The following RGS17 variants were observed in gnomAD, a reference collection of about 807,000 sequenced individuals.
The protein encoded by RGS17 is regulator of G protein signaling 17.
Under a neutral mutation model 25.5 loss-of-function variants are expected in RGS17, and 12 were observed. The observed-to-expected ratio is 0.47, with a 90% CI of 0.30 to 0.76. The LOEUF is 0.76. Ranked by LOEUF, RGS17 falls within the 30% of genes least tolerant of loss-of-function variation. The pLI is 0.07. For missense variants in RGS17, 196 were observed against 242.2 expected, an observed-to-expected ratio of 0.81 and a Z score of 1.27; for synonymous variants, 71 against 76.9, an observed-to-expected ratio of 0.92 and a Z score of 0.40.
intron 1 of RGS17, among the ~76,000 whole-genome samples, chr6:153,076,120 C>T (rs1304187088): frequency 6.6e-6 from 1 of 152,020 alleles, no homozygotes; most frequent in East Asian, 1.9e-4. Context: ...GTTAATATAA[C>T]TATACATGGA....
chr6:153,120,148 T>G (rs534581798), intron 1 of RGS17, among the ~76,000 whole-genome samples: 1 of 152,350 alleles, frequency 6.6e-6, no homozygotes, highest in East Asian at 1.9e-4. Flanking sequence ...CCAACTTCAT[T>G]CTGGACGCTA....
At chr6:153,053,804 A>G (rs1776494555) in intron 1 of RGS17, among the ~76,000 whole-genome samples, 1 of 150,560 alleles carries the variant, frequency 6.6e-6, no homozygotes. Flanking sequence ...AAAAGAAAAG[A>G]AAAAAGAAAA....
chr6:153,015,807 C>T (rs751873576), intron 4 of RGS17, among the ~76,000 whole-genome samples: 5 of 152,064 alleles, frequency 3.3e-5, no homozygotes, highest in African/African-American at 4.8e-5. Context: ...GCGCCCGCCA[C>T]CACGCCCGGC....
At chr6:153,104,833 A>G (rs1265097657) in intron 1 of RGS17, among the ~76,000 whole-genome samples, 7 of 152,116 alleles carry the variant, frequency 4.6e-5, no homozygotes, top group South Asian at 2.1e-4. Flanking sequence ...CAAAAAAAAA[A>G]AAAAGAAAAG....
intron 1 of RGS17, among the ~76,000 whole-genome samples, chr6:153,111,901 A>C (rs1777476067): frequency 1.3e-5 from 2 of 152,230 alleles, no homozygotes; most frequent in Non-Finnish European, 2.9e-5. Context: ...ATCAACAAAA[A>C]GGACGTCCAC....
intron 2 of RGS17, among the ~76,000 whole-genome samples, chr6:153,029,184 G>A (rs1262582359): frequency 6.6e-6 from 1 of 152,202 alleles, no homozygotes; most frequent in Non-Finnish European, 1.5e-5. Flanking sequence ...TCACTGTGCA[G>A]CTCTTGATCT....
chr6:153,088,954 C>T (rs775506194), intron 1 of RGS17, among the ~76,000 whole-genome samples: 6 of 152,098 alleles, frequency 3.9e-5, no homozygotes, highest in Non-Finnish European at 8.8e-5. Flanking sequence ...AATATTTCAA[C>T]TATTTGAAAT....
At chr6:153,123,385 C>G (rs1777665449) in intron 1 of RGS17, among the ~76,000 whole-genome samples, 1 of 152,108 alleles carries the variant, frequency 6.6e-6, no homozygotes, top group African/African-American at 2.4e-5. Flanking sequence ...CTGAGCTTAC[C>G]TTCAAGTTAA....
chr6:153,038,083 G>C (rs946403931), intron 2 of RGS17, among the ~76,000 whole-genome samples: 2 of 152,210 alleles, frequency 1.3e-5, no homozygotes, highest in Non-Finnish European at 2.9e-5. Context: ...TTGCCATGTA[G>C]AGTGAGTCAG....
rs2129104437 is a variant in RGS17 at position 153,007,894 on chromosome 6, A to T, written c.*3680T>A. On this transcript the variant is annotated 3_prime_UTR_variant, in exon 5 of 5. Coordinates refer to ENST00000206262, the MANE Select transcript of RGS17 (RefSeq NM_012419.5). ...GCTTGAGCCACTGTGCCTGGCCAAG[A>T]AATTTTAGGTGGTTTTCAAATACGT... The T allele has an allele frequency of 6.6e-6, 1 of 152,278 alleles. No individual in the cohort carries two copies. Among genetic ancestry groups the T allele is most frequent in the African/African-American group, 2.4e-5 (1 of 41,566 alleles). 9.4% of individuals were successfully genotyped at this position (152,278 alleles called of 1,614,324 possible). A position where few individuals can be genotyped will look rare whatever the true frequency, so the allele number is the denominator to read the frequency against.
chr6:153,113,435 T>A (rs1184627395), intron 1 of RGS17, among the ~76,000 whole-genome samples: 2 of 152,146 alleles, frequency 1.3e-5, no homozygotes, highest in African/African-American at 2.4e-5. Context: ...ATAAAGTAAG[T>A]TCTTAGAGGC....
intron 1 of RGS17, among the ~76,000 whole-genome samples, chr6:153,078,471 T>C (rs1179635263): frequency 6.6e-6 from 1 of 152,106 alleles, no homozygotes; most frequent in African/African-American, 2.4e-5. Context: ...TTTCAGAGTT[T>C]AGGTCTTGCA....
intron 1 of RGS17, among the ~76,000 whole-genome samples, chr6:153,083,645 C>T (rs760098054): frequency 7.9e-5 from 12 of 152,116 alleles, no homozygotes; most frequent in Non-Finnish European, 1.6e-4. Context: ...GAAACTGAAT[C>T]AGTAAATACC....
At chr6:153,054,148 C>T (rs1378263704) in intron 1 of RGS17, among the ~76,000 whole-genome samples, 1 of 114,620 alleles carries the variant, frequency 8.7e-6, no homozygotes, top group Non-Finnish European at 1.8e-5. Context: ...TTATACCAGG[C>T]AGGAATTTCT....
intron 1 of RGS17, among the ~76,000 whole-genome samples, chr6:153,112,475 T>C (rs189161169): frequency 2.6e-5 from 4 of 152,056 alleles, no homozygotes; most frequent in African/African-American, 7.2e-5. Context: ...ACAGGGAGAA[T>C]AGAACCAAGT....
At chr6:153,068,532 C>T (rs957622768) in intron 1 of RGS17, among the ~76,000 whole-genome samples, 6 of 152,138 alleles carry the variant, frequency 3.9e-5, no homozygotes, top group African/African-American at 1.4e-4. Context: ...ATCTCTAGTA[C>T]ACTGGGCTGG....
intron 1 of RGS17, among the ~76,000 whole-genome samples, chr6:153,059,096 G>A (rs1171682433): frequency 6.6e-6 from 1 of 151,964 alleles, no homozygotes; most frequent in Non-Finnish European, 1.5e-5. Flanking sequence ...AGTCTTCACT[G>A]AAATGTCACT....
intron 1 of RGS17, among the ~76,000 whole-genome samples, chr6:153,089,173 T>C (rs1044552120): frequency 2.6e-5 from 4 of 151,990 alleles, no homozygotes; most frequent in East Asian, 1.9e-4. Context: ...TTCTGCATTA[T>C]TGGTATGCAT....
intron 1 of RGS17, among the ~76,000 whole-genome samples, chr6:153,048,145 T>C (rs1776408322): frequency 6.6e-6 from 1 of 152,220 alleles, no homozygotes; most frequent in Non-Finnish European, 1.5e-5. Context: ...TATCTTCACT[T>C]GGCTTTCTCA....
Sources: gnomAD v4.1 joint callset for allele counts (sites outside exome capture counted in the v4.1 genomes callset) on GRCh38, gnomAD v4.1.1 for gene constraint, MANE v1.5 for transcripts, NCBI Gene and HGNC (gene_info 2026-07-23, HGNC 2026-07-21) for gene names.